Variants in NUP42 observed in about 807,000 individuals in gnomAD.
NUP42 encodes the protein nucleoporin NUP42.
A neutral mutation model predicts 35.9 loss-of-function variants in NUP42; 47 were observed. That is an observed-to-expected ratio of 1.31 (90% confidence interval 1.04 to 1.67). The LOEUF is 1.67. Among genes scored for constraint, NUP42 ranks in the 40% most tolerant of loss-of-function variants. The pLI, the probability that NUP42 is intolerant of heterozygous loss-of-function variation, is 0.00. For synonymous variants in NUP42, 173 were observed against 173.3 expected (o/e 1.00, Z 0.01); for missense variants, 514 against 492.2 (o/e 1.04, Z -0.42).
intron 3 of NUP42, among the ~76,000 whole-genome samples, chr7:23,190,832 T>C (rs973498872): frequency 6.6e-6 from 1 of 152,240 alleles, no homozygotes; most frequent in Non-Finnish European, 1.5e-5. Flanking sequence ...ATACTACTTT[T>C]GCCCCATTTT....
intron 3 of NUP42, chr7:23,188,550 G>A (rs1367455394): frequency 1.0e-6 from 1 of 984,490 alleles, no homozygotes; most frequent in East Asian, 1.1e-4. Context: ...CCTGAATATA[G>A]TTGTCAGATA....
intron 3 of NUP42, among the ~76,000 whole-genome samples, chr7:23,187,725 G>A (rs1785643313): frequency 6.7e-6 from 1 of 148,188 alleles, no homozygotes; most frequent in Admixed American, 6.9e-5. Context: ...TCCTGCCTCA[G>A]CCTCCCGAGT....
intron 6 of NUP42, 47 bp from the exon 7 acceptor site, chr7:23,200,121 C>T: frequency 3.1e-6 from 4 of 1,275,096 alleles, no homozygotes; most frequent in Non-Finnish European, 4.3e-6. Context: ...ATTTTTCTGA[C>T]CGTAATAGAT....
Position 23,195,907 on chromosome 7 carries a change from CA to C in NUP42, c.515del (p.Gln172ArgfsTer4). 1 of 1,587,736 alleles carries C rather than the reference CA, an allele frequency of 6.3e-7. No individual in the cohort carries two copies. The highest frequency in any genetic ancestry group is 8.6e-7 in the Non-Finnish European group (1 of 1,160,882). ...YHNFLTSNNL[Q>X]SYLNSVQRLI... ...TAACTTCTTAACCAGCAATAACTTA[CA>C]GAGTTATGTAAGTTTGTTTCCTATT... On this transcript the variant is annotated frameshift_variant, in exon 4 of 7. Coordinates refer to ENST00000258742, the MANE Select transcript of NUP42 (RefSeq NM_007342.3). LOFTEE classifies it high-confidence loss of function.
At position 23,200,203 on chromosome 7, in the gene NUP42, C is replaced by G. The variant is rs1183286778; in HGVS notation, c.730C>G (p.Gln244Glu). The stretch of plus-strand genomic sequence containing the variant: ...CAATAACAGCAGCAGTGATAATGCT[C>G]AGAACTTTAGTTTTAAAACAAACTC... ...PVNNSSSDNAQNFSFKTNSGF... is the reference protein window; with the variant it reads ...PVNNSSSDNAENFSFKTNSGF... The change falls in exon 7 of 7, where the codon CAG becomes GAG. Residue 244 changes from glutamine to glutamate, a missense_variant. By Grantham distance (29) the Gln-to-Glu change is conservative. Transcript: ENST00000258742. The G allele has an allele frequency of 3.7e-6, 6 of 1,601,552 alleles. No individual in the cohort carries two copies. The highest frequency in any genetic ancestry group is 1.3e-5 in the African/African-American group (1 of 74,740).
intron 3 of NUP42, chr7:23,194,663 A>T: frequency 6.3e-6 from 1 of 157,690 alleles, no homozygotes; most frequent in Non-Finnish European, 1.3e-5. Flanking sequence ...GCCCGGCTGT[A>T]ATCCAGTTTT....
intron 3 of NUP42, chr7:23,195,474 T>G (rs1785981021): frequency 6.0e-6 from 1 of 166,764 alleles, no homozygotes; most frequent in Non-Finnish European, 1.3e-5. Context: ...TCATATATGT[T>G]AAAATTGCAA....
chr7:23,187,933 T>TG, intron 3 of NUP42: 2 of 485,540 alleles, frequency 4.1e-6, no homozygotes, highest in East Asian at 3.9e-5. Context: ...TAGAATATTC[T>TG]CTGTCTCTCT....
intron 1 of NUP42, among the ~76,000 whole-genome samples, chr7:23,182,800 G>T (rs1213427974): frequency 6.9e-6 from 1 of 145,856 alleles, no homozygotes; most frequent in Non-Finnish European, 1.5e-5. Context: ...TGTAATCCCA[G>T]CTACTCATGA....
At chr7:23,187,309 G>C in intron 3 of NUP42, 163 bp downstream of exon 3, 1 of 542,804 alleles carries the variant, frequency 1.8e-6, no homozygotes, top group Non-Finnish European at 3.2e-6. Flanking sequence ...TCATAATTTA[G>C]AGATTAAGGT....
chr7:23,197,485 C>A (rs1786053583), intron 5 of NUP42, among the ~76,000 whole-genome samples: 1 of 152,180 alleles, frequency 6.6e-6, no homozygotes, highest in South Asian at 2.1e-4. Flanking sequence ...AAGCTAATTT[C>A]TTTCATCTTT....
At chr7:23,182,487 T>G in intron 1 of NUP42, 1 of 1,209,322 alleles carries the variant, frequency 8.3e-7, no homozygotes, top group South Asian at 2.7e-5. Flanking sequence ...AACTACCTTG[T>G]AGGTAAATGC....
At chr7:23,193,961 A>G (rs1785914746) in intron 3 of NUP42, among the ~76,000 whole-genome samples, 1 of 152,238 alleles carries the variant, frequency 6.6e-6, no homozygotes, top group African/African-American at 2.4e-5. Context: ...CACCCTCCGC[A>G]GCCGCTGGCC....
Position 23,188,016 on chromosome 7 carries a change from T to TA in NUP42, c.445+870_445+871insA, listed in dbSNP as rs1177618677. 6 of 1,144,142 alleles carry TA rather than the reference T, an allele frequency of 5.2e-6. No homozygotes were observed. The African/African-American group carries it at 9.7e-5, about 19-fold the overall frequency. The allele number at this position is 1,144,142 out of a possible 1,614,324, so 70.9% of individuals were successfully genotyped here. ...TCTTTTTTTATTTTTTATTTTTATT[T>TA]TTTTTTTTGTCCATAGTCCCTAAGC... On this transcript the variant is annotated intron_variant, in intron 3 of 6. Coordinates refer to ENST00000258742, the MANE Select transcript of NUP42 (RefSeq NM_007342.3).
chr7:23,195,831 C>T lies in NUP42; in HGVS notation c.446-8C>T. On this transcript the variant is annotated splice_polypyrimidine_tract_variant and splice_region_variant and intron_variant, in intron 3 of 6. Coordinates refer to ENST00000258742, the MANE Select transcript of NUP42 (RefSeq NM_007342.3). The stretch of plus-strand genomic sequence containing the variant: ...ATTTTAAAGATTCCGATTGATTCCT[C>T]ACTTCAGGTTTTACAGACATTTCAC... 6.3e-7 allele frequency: 1 copy of T among 1,574,886 alleles called. No homozygotes were observed. Among genetic ancestry groups the T allele is most frequent in the South Asian group, 1.1e-5 (1 of 87,794 alleles).
intron 1 of NUP42, among the ~76,000 whole-genome samples, chr7:23,183,754 T>TAA (rs571597955): frequency 1.6e-3 from 133 of 82,032 alleles, no homozygotes; most frequent in South Asian, 6.1e-3. Flanking sequence ...AAAAGCAATG[T>TAA]AAAAAAAAAA....
At chr7:23,183,948 T>C (rs538481290) in intron 1 of NUP42, among the ~76,000 whole-genome samples, 2 of 150,404 alleles carry the variant, frequency 1.3e-5, no homozygotes, top group African/African-American at 4.9e-5. Flanking sequence ...CAACTGGGCA[T>C]GTGTGTCATT....
chr7:23,182,448 T>C, intron 1 of NUP42: 1 of 1,326,664 alleles, frequency 7.5e-7, no homozygotes. Flanking sequence ...TGTGCGAAAC[T>C]GAGTTTTTAA....
At chr7:23,182,313 G>C (rs1024178893) in intron 1 of NUP42, 107 bp downstream of exon 1, 1 of 1,498,348 alleles carries the variant, frequency 6.7e-7, no homozygotes, top group South Asian at 1.3e-5. Context: ...ACGTGCCCGC[G>C]TCGCGGCCTT....
Sources: allele counts gnomAD v4.1 joint callset (sites outside exome capture counted in the v4.1 genomes callset), GRCh38; gene constraint gnomAD v4.1.1; transcripts MANE v1.5; gene names NCBI Gene and HGNC (gene_info 2026-07-23, HGNC 2026-07-21).